FRMD7: variants seen among roughly 807,000 people sequenced by gnomAD.
FRMD7 encodes FERM domain containing 7.
FRMD7 carries 14 observed loss-of-function variants against 44.1 expected under a neutral mutation model. The observed-to-expected ratio is 0.32, with a 90% CI of 0.21 to 0.50. FRMD7 has a LOEUF of 0.50. Ranked by LOEUF, FRMD7 falls within the 20% of genes least tolerant of loss-of-function variation. The probability of loss-of-function intolerance (pLI) is 0.99; values close to 1 mark genes in which losing one functional copy is unlikely to be tolerated. For missense variants in FRMD7, 501 were observed against 522.3 expected (o/e 0.96, Z 0.40); for synonymous variants, 212 against 187.4 (o/e 1.13, Z -1.07).
chrX:132,111,595 G>A (rs1928779982), intron 1 of FRMD7, among the ~76,000 whole-genome samples: 1 of 111,833 alleles, frequency 8.9e-6, no homozygotes, highest in Admixed American at 9.5e-5. Context: ...CATATTTGTG[G>A]GGACAACTGT....
At chrX:132,094,406 G>T (rs745447939) in intron 4 of FRMD7, 5 of 352,032 alleles carry the variant, frequency 1.4e-5, no homozygotes, top group African/African-American at 2.6e-5. Context: ...GAGAAAGTTG[G>T]CCAATCATCC....
rs145536018 is a variant in FRMD7, at chrX:132,112,747, T to C, written c.58-12031A>G. ...ACCACCCCCTATATCCACAGCCATGTTGATGCCAACCAAACCAAGCTAGGA... is the reference window on the plus strand; with the variant it reads ...ACCACCCCCTATATCCACAGCCATGCTGATGCCAACCAAACCAAGCTAGGA... On this transcript the variant is annotated intron_variant, in intron 1 of 11. Transcript: ENST00000298542. Among the ~76,000 whole-genome samples the C allele has an allele frequency of 6.1e-3, 682 of 111,153 alleles. 5 individuals are homozygous for C. Among genetic ancestry groups the C allele is most frequent in the African/African-American group, 0.022 (657 of 30,535 alleles).
chrX:132,103,501 T>TATCC (rs1556024978), intron 1 of FRMD7, among the ~76,000 whole-genome samples: 151 of 109,119 alleles, frequency 1.4e-3, no homozygotes, highest in African/African-American at 4.7e-3. Context: ...TCTATCTATC[T>TATCC]ATCTATCTAT....
At chrX:132,111,500 C>A (rs1928777481) in intron 1 of FRMD7, among the ~76,000 whole-genome samples, 1 of 111,883 alleles carries the variant, frequency 8.9e-6, no homozygotes, top group African/African-American at 3.2e-5. Flanking sequence ...TGTATTATCC[C>A]TTTTGTAACT....
Position 132,078,338 on chromosome X carries a change from C to G in FRMD7, c.1679G>C (p.Arg560Thr). The G allele has an allele frequency of 8.3e-7, 1 of 1,211,723 alleles. No individual in the cohort carries two copies. The highest frequency in any genetic ancestry group is 1.1e-6 in the Non-Finnish European group (1 of 895,273). ...TTCTAGACCTACATTGATGTTGCTCCTACCGCTAGTCCTGGCTATAGCTTC... is the reference window on the plus strand; with the variant it reads ...TTCTAGACCTACATTGATGTTGCTCGTACCGCTAGTCCTGGCTATAGCTTC... Reference protein sequence around the residue: ...LQEAIARTSGRSNINVGLEEE... With the variant: ...LQEAIARTSGTSNINVGLEEE... Residue 560 changes from arginine to threonine, a missense_variant, in exon 12 of 12, where the codon AGG becomes ACG. This residue lies in a region of FRMD7 where 453 missense variants were observed against 452.7 expected (regional missense o/e 1.00). Transcript: ENST00000298542.
Position 132,077,973 on chromosome X carries a change from C to G in FRMD7, c.2044G>C (p.Gly682Arg). ...TCTTCTTCATCTAACTGTAGACTACCAGAAGACAGGCGGATTCTGGCCATG... is the reference window on the plus strand; with the variant it reads ...TCTTCTTCATCTAACTGTAGACTACGAGAAGACAGGCGGATTCTGGCCATG... ...SPMARIRLSS[G>R]SLQLDEEDED... The change falls in exon 12 of 12, where the codon GGT becomes CGT. Residue 682 changes from glycine to arginine, a missense_variant. Around this residue, in one of 3 missense-constraint regions of FRMD7, gnomAD observed 453 missense variants for 452.7 expected, o/e 1.00. Transcript: ENST00000298542. The G allele has an allele frequency of 1.7e-6, 2 of 1,211,160 alleles. No individual in the cohort carries two copies. Among genetic ancestry groups the G allele is most frequent in the Non-Finnish European group, 2.2e-6 (2 of 895,169 alleles).
At chrX:132,103,411 C>A (rs1928557355) in intron 1 of FRMD7, among the ~76,000 whole-genome samples, 1 of 111,103 alleles carries the variant, frequency 9.0e-6, no homozygotes. Context: ...TTCTTTACCA[C>A]CCGTCAGTCC....
At chrX:132,086,195 G>GGT (rs1464043548) in intron 5 of FRMD7, among the ~76,000 whole-genome samples, 161 bp from the exon 6 acceptor site, 2 of 109,204 alleles carry the variant, frequency 1.8e-5, no homozygotes, top group Non-Finnish European at 3.8e-5. Flanking sequence ...TTTCTATAGG[G>GGT]GTGTGTGTGT....
At chrX:132,100,921 G>A (rs951530531) in intron 1 of FRMD7, among the ~76,000 whole-genome samples, 1 of 111,559 alleles carries the variant, frequency 9.0e-6, no homozygotes, top group African/African-American at 3.3e-5. Context: ...ACATCCCTAA[G>A]AAAGCCTTAT....
At chrX:132,097,078 T>A (rs1928359275) in intron 4 of FRMD7, among the ~76,000 whole-genome samples, 188 bp downstream of exon 4, 1 of 111,051 alleles carries the variant, frequency 9.0e-6, no homozygotes, top group Admixed American at 9.6e-5. Flanking sequence ...TCCTGTAGTC[T>A]CCACCCTTTG....
intron 1 of FRMD7, among the ~76,000 whole-genome samples, chrX:132,102,485 G>C (rs1034292544): frequency 5.4e-5 from 6 of 111,991 alleles, no homozygotes; most frequent in African/African-American, 1.9e-4. Flanking sequence ...TTGCCAGGGA[G>C]GGCCTGTTTA....
At chrX:132,079,295 C>T (rs1927732301) in intron 11 of FRMD7, among the ~76,000 whole-genome samples, 1 of 111,696 alleles carries the variant, frequency 9.0e-6, no homozygotes, top group South Asian at 3.7e-4. Flanking sequence ...GGCTCTGTCT[C>T]TGATTTGCTG....
chrX:132,125,926 C>T lies in FRMD7; in HGVS notation c.57+1862G>A, dbSNP rs1221268121. On this transcript the variant is annotated intron_variant, in intron 1 of 11. Transcript: ENST00000298542. ...TCACTTAAGTTCCCTGAGCCTCCAT[C>T]TTTTAACTTACAAAATGGGAAAAGA... Among the ~76,000 whole-genome samples the T allele has an allele frequency of 4.5e-5, 5 of 111,866 alleles. No homozygotes were observed. The South Asian group carries it at 1.9e-3, about 42-fold the overall frequency.
chrX:132,090,233 C>A (rs749523014), intron 5 of FRMD7, among the ~76,000 whole-genome samples: 62 of 110,137 alleles, frequency 5.6e-4, no homozygotes, highest in Non-Finnish European at 1.1e-3. Flanking sequence ...AAAAATTAGC[C>A]GGGCGTGGTG....
chrX:132,113,585 G>GT (rs962703403), intron 1 of FRMD7, among the ~76,000 whole-genome samples: 5 of 111,340 alleles, frequency 4.5e-5, no homozygotes, highest in African/African-American at 9.8e-5. Context: ...GCTAGAACTT[G>GT]TTTTTTTCAT....
At chrX:132,086,073 G>A in intron 5 of FRMD7, 39 bp from the exon 6 acceptor site, 1 of 865,976 alleles carries the variant, frequency 1.2e-6, no homozygotes, top group Non-Finnish European at 1.7e-6. Flanking sequence ...CATTACCTTT[G>A]AGGAACTTAG....
chrX:132,108,222 A>G (rs952245926), intron 1 of FRMD7, among the ~76,000 whole-genome samples: 1 of 112,190 alleles, frequency 8.9e-6, no homozygotes, highest in African/African-American at 3.2e-5. Context: ...CTACAGACTG[A>G]AAGTAAATTA....
chrX:132,122,578 A>T (rs1429243742), intron 1 of FRMD7, among the ~76,000 whole-genome samples: 1 of 111,925 alleles, frequency 8.9e-6, no homozygotes, highest in Non-Finnish European at 1.9e-5. Flanking sequence ...GGTTCTAGAA[A>T]TTCTACCTCA....
At chrX:132,115,984 A>G (rs1928888133) in intron 1 of FRMD7, among the ~76,000 whole-genome samples, 1 of 111,500 alleles carries the variant, frequency 9.0e-6, no homozygotes, top group African/African-American at 3.3e-5. Context: ...CAGTGAGGGC[A>G]TACTGTGACC....
Sources: allele counts gnomAD v4.1 joint callset (sites outside exome capture counted in the v4.1 genomes callset), GRCh38; gene constraint gnomAD v4.1.1; regional missense constraint gnomAD v4.1.1; transcripts MANE v1.5; gene names NCBI Gene and HGNC (gene_info 2026-07-23, HGNC 2026-07-21).